The following SMYD3 variants were observed in gnomAD, a reference collection of about 807,000 sequenced individuals.
The protein encoded by SMYD3 is histone-lysine N-methyltransferase SMYD3.
SMYD3 carries 36 observed loss-of-function variants against 57.7 expected under a neutral mutation model. The observed-to-expected ratio is 0.62, with a 90% CI of 0.48 to 0.82. The LOEUF is 0.82. Ranked by LOEUF, SMYD3 falls within the 40% of genes least tolerant of loss-of-function variation. The probability of loss-of-function intolerance (pLI) is 0.00; values close to 1 mark genes in which losing one functional copy is unlikely to be tolerated. For missense variants in SMYD3, 515 were observed against 538.8 expected (o/e 0.96, Z 0.44); for synonymous variants, 211 against 195.0 (o/e 1.08, Z -0.68).
chr1:245,983,998 C>CT (rs534310953), intron 5 of SMYD3, among the ~76,000 whole-genome samples: 24,055 of 134,424 alleles, frequency 0.18, 2,420 homozygotes, highest in East Asian at 0.43. Flanking sequence ...CAAGTCTACT[C>CT]TTTTTTTTTT....
At chr1:246,213,226 G>A (rs2063115823) in intron 5 of SMYD3, among the ~76,000 whole-genome samples, 1 of 152,148 alleles carries the variant, frequency 6.6e-6, no homozygotes, top group Non-Finnish European at 1.5e-5. Flanking sequence ...GACTATGGAT[G>A]CTGACAAAAG....
chr1:246,149,322 G>T (rs1202687170), intron 5 of SMYD3, among the ~76,000 whole-genome samples: 2 of 152,146 alleles, frequency 1.3e-5, no homozygotes, highest in African/African-American at 4.8e-5. Flanking sequence ...TAGAATTTAG[G>T]ATTCCTGTCC....
chr1:245,843,556 G>A (rs796599897), intron 10 of SMYD3, among the ~76,000 whole-genome samples: 46,368 of 144,084 alleles, frequency 0.32, 8,232 homozygotes, highest in African/African-American at 0.51. Flanking sequence ...GTGTGTGTGT[G>A]TGTGTGTGTG....
chr1:246,131,387 G>C (rs1453332105), intron 5 of SMYD3, among the ~76,000 whole-genome samples: 1 of 152,178 alleles, frequency 6.6e-6, no homozygotes, highest in Non-Finnish European at 1.5e-5. Context: ...CAATCAGTAA[G>C]AAGGAATAAG....
At position 245,858,517 on chromosome 1, in the gene SMYD3, G is replaced by A; in HGVS notation, c.1055C>T (p.Thr352Ile). The change falls in exon 10 of 12, where the codon ACT becomes ATT. Residue 352 changes from threonine (T) to isoleucine (I), a missense_variant. Transcript: ENST00000490107. The stretch of plus-strand genomic sequence containing the variant: ...TTGCCTGTATGGCTCCATGGTCCGA[G>A]TACCATAGAACAAGGCTTCCTCCAA... The part of the protein sequence containing the change: ...GLLEEALFYG[T>I]RTMEPYRIFF... 1 of 1,614,106 alleles carries A rather than the reference G, an allele frequency of 6.2e-7. No homozygotes were observed. Among genetic ancestry groups the A allele is most frequent in the South Asian group, 1.1e-5 (1 of 91,064 alleles).
chr1:246,191,604 G>C (rs1193467836), intron 5 of SMYD3, among the ~76,000 whole-genome samples: 4 of 152,196 alleles, frequency 2.6e-5, no homozygotes, highest in Non-Finnish European at 5.9e-5. Context: ...AAACATATTT[G>C]AAATCAGAGA....
chr1:245,942,853 T>C (rs540213264), intron 5 of SMYD3, among the ~76,000 whole-genome samples: 2 of 152,224 alleles, frequency 1.3e-5, no homozygotes, highest in South Asian at 4.2e-4. Flanking sequence ...CACAACTACA[T>C]GGAAATTGAA....
At chr1:246,468,965 T>C (rs959066092) in intron 1 of SMYD3, among the ~76,000 whole-genome samples, 2 of 152,178 alleles carry the variant, frequency 1.3e-5, no homozygotes, top group African/African-American at 2.4e-5. Flanking sequence ...AACAAGACTG[T>C]GCCTTCAGTC....
At chr1:246,244,385 A>G (rs1052909227) in intron 5 of SMYD3, among the ~76,000 whole-genome samples, 2 of 133,274 alleles carry the variant, frequency 1.5e-5, no homozygotes, top group African/African-American at 2.9e-5. Context: ...GTGAGTGTGG[A>G]AAAAAAAAAT....
At chr1:246,488,636 A>T (rs1253059550) in intron 1 of SMYD3, among the ~76,000 whole-genome samples, 1 of 152,216 alleles carries the variant, frequency 6.6e-6, no homozygotes. Flanking sequence ...CAGTGTGCCG[A>T]GATCGCACCA....
chr1:246,009,604 T>TC (rs11455607), intron 5 of SMYD3, among the ~76,000 whole-genome samples: 151,788 of 152,228 alleles, frequency 1, 75,676 homozygotes, highest in Middle Eastern at 1. Context: ...AATATTAGAT[T>TC]CAAGTTAGAT....
chr1:246,142,294 A>G (rs993851431), intron 5 of SMYD3, among the ~76,000 whole-genome samples: 45 of 152,242 alleles, frequency 3.0e-4, no homozygotes, highest in African/African-American at 1.1e-3. Context: ...ATAATATACT[A>G]TTCACAGTCT....
rs2045240288 is a variant in SMYD3, at chr1:245,749,508, C to G, written c.*55G>C. 1.5e-6 allele frequency: 2 copies of G among 1,352,496 alleles called. No individual in the cohort carries two copies. Among genetic ancestry groups the G allele is most frequent in the Non-Finnish European group, 2.1e-6 (2 of 943,102 alleles). The allele number at this position is 1,352,496 out of a possible 1,614,324, so 83.8% of individuals were successfully genotyped here. Reference sequence around the variant, plus strand: ...GCTAACAAAGCATAGAGTGTGTGACCTCAATAAGGCATTCAACAAAGACAC... The same window carrying G: ...GCTAACAAAGCATAGAGTGTGTGACGTCAATAAGGCATTCAACAAAGACAC... On this transcript the variant is annotated 3_prime_UTR_variant, in exon 12 of 12. Coordinates refer to ENST00000490107, the MANE Select transcript of SMYD3 (RefSeq NM_001167740.2).
intron 1 of SMYD3, among the ~76,000 whole-genome samples, chr1:246,393,674 TAA>T (rs796510890): frequency 0.55 from 50,778 of 91,962 alleles, 13,106 homozygotes; most frequent in East Asian, 0.73. Flanking sequence ...CCCCCATCTC[TAA>T]AAAAAAAAAA....
At chr1:246,131,942 A>G (rs1391419450) in intron 5 of SMYD3, among the ~76,000 whole-genome samples, 1 of 152,176 alleles carries the variant, frequency 6.6e-6, no homozygotes, top group Non-Finnish European at 1.5e-5. Context: ...TGTCCTTCTG[A>G]GCACAATGAA....
chr1:246,259,176 A>G (rs1022748072), intron 5 of SMYD3, among the ~76,000 whole-genome samples: 1 of 152,180 alleles, frequency 6.6e-6, no homozygotes, highest in African/African-American at 2.4e-5. Context: ...GCTTCCTTGC[A>G]ATTCATGCTT....
At chr1:246,328,404 T>C (rs1005917212) in intron 4 of SMYD3, among the ~76,000 whole-genome samples, 1 of 152,230 alleles carries the variant, frequency 6.6e-6, no homozygotes, top group African/African-American at 2.4e-5. Flanking sequence ...GTCATGTGTA[T>C]GACACTAGTA....
chr1:245,817,086 T>TG (rs1163113832), intron 10 of SMYD3, among the ~76,000 whole-genome samples: 2 of 151,492 alleles, frequency 1.3e-5, no homozygotes, highest in African/African-American at 2.4e-5. Flanking sequence ...GCTCCACCTC[T>TG]GGGGGCAGGG....
intron 3 of SMYD3, among the ~76,000 whole-genome samples, chr1:246,331,392 G>A (rs974506830): frequency 6.6e-5 from 10 of 152,118 alleles, no homozygotes; most frequent in African/African-American, 2.2e-4. Flanking sequence ...TGACATGCTC[G>A]CCCTGTGCAT....
Sources: allele counts gnomAD v4.1 joint callset (sites outside exome capture counted in the v4.1 genomes callset), GRCh38; gene constraint gnomAD v4.1.1; transcripts MANE v1.5; gene names NCBI Gene and HGNC (gene_info 2026-07-23, HGNC 2026-07-21).